SCIN: variants seen among roughly 807,000 people sequenced by gnomAD.
The protein encoded by SCIN is scinderin.
Under a neutral mutation model 91.8 loss-of-function variants are expected in SCIN, and 91 were observed. The observed-to-expected ratio is 0.99, with a 90% CI of 0.84 to 1.18. The LOEUF is 1.18. SCIN is among the 50% of genes most tolerant of loss of function. The pLI is 0.00. For synonymous variants in SCIN, 367 were observed against 312.6 expected (o/e 1.17, Z -1.84); for missense variants, 1,087 against 863.9 (o/e 1.26, Z -3.24).
chr7:12,592,199 G>A (rs1169844067), intron 3 of SCIN, among the ~76,000 whole-genome samples: 1 of 152,116 alleles, frequency 6.6e-6, no homozygotes, highest in Non-Finnish European at 1.5e-5. Context: ...CAGGTCAATT[G>A]CAGTGTAGAG....
chr7:12,627,180 A>G (rs1031094340), intron 8 of SCIN, among the ~76,000 whole-genome samples: 5 of 152,206 alleles, frequency 3.3e-5, no homozygotes, highest in Non-Finnish European at 7.4e-5. Flanking sequence ...ATGTATATCT[A>G]AATATATTTA....
At chr7:12,580,652 G>C (rs1782468658) in intron 2 of SCIN, among the ~76,000 whole-genome samples, 1 of 152,198 alleles carries the variant, frequency 6.6e-6, no homozygotes. Context: ...GCTGTCATCT[G>C]TATGTGTTAC....
intron 8 of SCIN, among the ~76,000 whole-genome samples, chr7:12,628,888 A>G (rs1783585457): frequency 6.6e-6 from 1 of 152,172 alleles, no homozygotes; most frequent in Non-Finnish European, 1.5e-5. Flanking sequence ...TGAGCTTAAT[A>G]CTGTAGAGGA....
rs376269673 is a variant in SCIN at position 12,619,253 on chromosome 7, A to T, written c.667-3548A>T. Among the ~76,000 whole-genome samples, 7 of 152,268 alleles carry T rather than the reference A, an allele frequency of 4.6e-5. No individual in the cohort carries two copies. In the East Asian group the frequency reaches 7.7e-4, roughly 17 times the overall value. ...TTCTTATGATGCATTACAAATATTT[A>T]TTCTAAAGTGGCCAAACATCTTGAC... is the stretch of plus-strand genomic sequence containing the variant. On this transcript the variant is annotated intron_variant, in intron 4 of 15. Transcript: ENST00000297029.
intron 13 of SCIN, 76 bp downstream of exon 13, chr7:12,644,781 C>G (rs1046120755): frequency 2.2e-6 from 3 of 1,389,620 alleles, no homozygotes; most frequent in African/African-American, 3.2e-5. Context: ...TTTGGGAGGC[C>G]GAGGCAGGCA....
chr7:12,587,816 T>C (rs921719932), intron 3 of SCIN, among the ~76,000 whole-genome samples: 1 of 152,122 alleles, frequency 6.6e-6, no homozygotes, highest in African/African-American at 2.4e-5. Context: ...TCAGTCTTCT[T>C]TTTTACTTTT....
Position 12,607,328 on chromosome 7 carries a change from C to A in SCIN, c.666+2665C>A, listed in dbSNP as rs114135079. Among the ~76,000 whole-genome samples, 714 of 152,270 alleles carry A rather than the reference C, an allele frequency of 4.7e-3. 4 individuals are homozygous for A. Among genetic ancestry groups the A allele is most frequent in the African/African-American group, 0.016 (685 of 41,548 alleles). On this transcript the variant is annotated intron_variant, in intron 4 of 15. Transcript: ENST00000297029. ...CTCATTTGCCACTTGTAGTCTGTTC[C>A]AGGAAGTGATGCTGCTGCAGCTGAG...
At position 12,635,534 on chromosome 7, in the gene SCIN, G is replaced by A. The variant is rs1012245628; in HGVS notation, c.1320-511G>A. On this transcript the variant is annotated intron_variant, in intron 9 of 15. Transcript: ENST00000297029. ...GGCTGAGGCAGGAGAATCGCTTGAA[G>A]CCGGGAGGTGGAGGTTGCAGTGAGC... is the stretch of plus-strand genomic sequence containing the variant. 4.2e-5 allele frequency among the ~76,000 whole-genome samples: 6 copies of A among 144,532 alleles called. No individual in the cohort carries two copies. In the East Asian group the frequency reaches 1.2e-3, roughly 30 times the overall value. The allele number at this position is 144,532 out of a possible 152,430, so 94.8% of individuals were successfully genotyped here. A position where few individuals can be genotyped will look rare whatever the true frequency, so the allele number is the denominator to read the frequency against.
chr7:12,616,021 G>A (rs896897468), intron 4 of SCIN, among the ~76,000 whole-genome samples: 1 of 152,096 alleles, frequency 6.6e-6, no homozygotes, highest in African/African-American at 2.4e-5. Context: ...ATACAGGGCA[G>A]TGAAAAAATA....
chr7:12,578,235 G>T lies in SCIN; in HGVS notation c.354+17G>T. On this transcript the variant is annotated intron_variant, in intron 2 of 15. Transcript: ENST00000297029. ...AAATACAAGGTAAGCAGCTCCCTCA[G>T]TTTCCATTATGAATCCCTTTCTCCT... The T allele has an allele frequency of 6.5e-7, 1 of 1,538,550 alleles. No individual in the cohort carries two copies. The highest frequency in any genetic ancestry group is 1.2e-5 in the South Asian group (1 of 81,514).
At chr7:12,599,982 C>G (rs1281844977) in intron 3 of SCIN, among the ~76,000 whole-genome samples, 1 of 152,090 alleles carries the variant, frequency 6.6e-6, no homozygotes, top group Non-Finnish European at 1.5e-5. Context: ...ACTCTTGATT[C>G]TTTCTTTTGC....
At chr7:12,592,870 G>A (rs1191766770) in intron 3 of SCIN, among the ~76,000 whole-genome samples, 1 of 152,158 alleles carries the variant, frequency 6.6e-6, no homozygotes. Flanking sequence ...AAAGAGATCA[G>A]CTTACCTGCT....
intron 4 of SCIN, among the ~76,000 whole-genome samples, chr7:12,617,051 A>C (rs1315032756): frequency 6.6e-6 from 1 of 152,142 alleles, no homozygotes; most frequent in African/African-American, 2.4e-5. Context: ...TACGTGAACA[A>C]ATAATAAAGT....
intron 9 of SCIN, among the ~76,000 whole-genome samples, chr7:12,629,971 TA>T (rs1210064755): frequency 6.6e-6 from 1 of 151,972 alleles, no homozygotes; most frequent in Non-Finnish European, 1.5e-5. Context: ...AAATAATTCT[TA>T]AAAAAGATCT....
At chr7:12,600,027 C>G (rs957947379) in intron 3 of SCIN, among the ~76,000 whole-genome samples, 6 of 152,108 alleles carry the variant, frequency 3.9e-5, no homozygotes, top group African/African-American at 1.4e-4. Flanking sequence ...TAAGTCCTAT[C>G]TATTTACCTT....
chr7:12,573,644 T>G (rs1160989144), intron 1 of SCIN, among the ~76,000 whole-genome samples: 2 of 152,204 alleles, frequency 1.3e-5, no homozygotes, highest in Non-Finnish European at 2.9e-5. Context: ...AATGCATCCA[T>G]TCACCTCTGT....
chr7:12,598,789 G>C (rs1782895787), intron 3 of SCIN, among the ~76,000 whole-genome samples: 1 of 152,164 alleles, frequency 6.6e-6, no homozygotes, highest in African/African-American at 2.4e-5. Flanking sequence ...CATAGCTGTA[G>C]TCCTACCTAC....
chr7:12,625,348 C>G (rs944255489), intron 6 of SCIN, among the ~76,000 whole-genome samples: 13 of 145,498 alleles, frequency 8.9e-5, no homozygotes, highest in African/African-American at 3.3e-4. Context: ...AGCATTTGGG[C>G]AATATAAAAA....
chr7:12,586,001 G>T (rs1782579348), intron 3 of SCIN, among the ~76,000 whole-genome samples: 1 of 152,162 alleles, frequency 6.6e-6, no homozygotes, highest in South Asian at 2.1e-4. Flanking sequence ...TTTAGGGTCA[G>T]ATTTAGACTT....
Sources: allele counts gnomAD v4.1 joint callset (sites outside exome capture counted in the v4.1 genomes callset), GRCh38; gene constraint gnomAD v4.1.1; transcripts MANE v1.5; gene names NCBI Gene and HGNC (gene_info 2026-07-23, HGNC 2026-07-21).